The following DNER variants were observed in gnomAD, a reference collection of about 807,000 sequenced individuals.
The protein encoded by DNER is delta and Notch-like epidermal growth factor-related receptor.
In DNER, 33 loss-of-function variants were observed where a neutral mutation model predicts 78.2. That is an observed-to-expected ratio of 0.42 (90% CI 0.32 to 0.56). The LOEUF (loss-of-function observed/expected upper bound fraction) is 0.56, where lower values mean the gene tolerates loss of function less well. Among genes scored for constraint, DNER ranks in the 20% least tolerant of loss-of-function variants. The pLI is 0.11. For missense variants in DNER, 918 were observed against 975.3 expected, an observed-to-expected ratio of 0.94 and a Z score of 0.78; for synonymous variants, 417 against 384.8, an observed-to-expected ratio of 1.08 and a Z score of -0.98.
intron 1 of DNER, among the ~76,000 whole-genome samples, chr2:229,707,509 C>T (rs1359497434): frequency 6.6e-6 from 1 of 152,226 alleles, no homozygotes; most frequent in African/African-American, 2.4e-5. Flanking sequence ...AATCCCTCCT[C>T]ATATGCCCTG....
At chr2:229,530,522 A>G (rs888020611) in intron 5 of DNER, among the ~76,000 whole-genome samples, 1 of 152,258 alleles carries the variant, frequency 6.6e-6, no homozygotes, top group African/African-American at 2.4e-5. Flanking sequence ...CAGAAATTGC[A>G]TGGAAACGAA....
At chr2:229,689,802 G>A (rs1459623954) in intron 1 of DNER, among the ~76,000 whole-genome samples, 2 of 152,202 alleles carry the variant, frequency 1.3e-5, no homozygotes, top group East Asian at 3.8e-4. Flanking sequence ...TCATAGAGCT[G>A]ACATAATTAA....
intron 1 of DNER, among the ~76,000 whole-genome samples, chr2:229,696,304 C>T (rs552458258): frequency 1.3e-5 from 2 of 152,180 alleles, no homozygotes; most frequent in African/African-American, 2.4e-5. Context: ...TTACAACCCA[C>T]GATGATTGAC....
intron 1 of DNER, among the ~76,000 whole-genome samples, chr2:229,623,987 C>T (rs1227871472): frequency 2.6e-5 from 4 of 152,220 alleles, no homozygotes; most frequent in Admixed American, 1.3e-4. Context: ...TGGGGCTTCA[C>T]GGAATCACAG....
At chr2:229,366,381 C>A (rs1388182401) in intron 12 of DNER, among the ~76,000 whole-genome samples, 2 of 152,156 alleles carry the variant, frequency 1.3e-5, no homozygotes, top group African/African-American at 4.8e-5. Flanking sequence ...TTCTATGACA[C>A]CACACTAACT....
chr2:229,359,865 T>C (rs1036096081), intron 12 of DNER, among the ~76,000 whole-genome samples: 3 of 152,260 alleles, frequency 2.0e-5, no homozygotes, highest in African/African-American at 7.2e-5. Context: ...CAAAGGCATA[T>C]GCTATGCCAG....
chr2:229,645,261 C>G (rs1173034297), intron 1 of DNER, among the ~76,000 whole-genome samples: 1 of 152,206 alleles, frequency 6.6e-6, no homozygotes, highest in African/African-American at 2.4e-5. Context: ...CCTGCTTCAG[C>G]CTTCCAAAGT....
chr2:229,597,995 G>A (rs1697753734), intron 1 of DNER, among the ~76,000 whole-genome samples: 1 of 152,130 alleles, frequency 6.6e-6, no homozygotes, highest in Non-Finnish European at 1.5e-5. Flanking sequence ...TTTAGCCATG[G>A]CCTGTTTTTC....
intron 7 of DNER, among the ~76,000 whole-genome samples, chr2:229,476,162 C>G (rs1038929779): frequency 4.6e-5 from 7 of 152,202 alleles, no homozygotes; most frequent in Non-Finnish European, 1.0e-4. Flanking sequence ...CTCCGGCCCC[C>G]ACCCTGGCCC....
rs973128647 is a variant in DNER, at chr2:229,388,155, AGTGACTCG to A, written c.1855+102_1855+109del. ...TCTGGGACTCACTGCCTCATCTGCC[AGTGACTCG>A]GGGGCTTTCTGGTCACAGTCGGCAT... On this transcript the variant is annotated intron_variant, in intron 11 of 12. Transcript: ENST00000341772. The A allele has an allele frequency of 3.5e-6, 5 of 1,446,822 alleles. No homozygotes were observed. The African/African-American group carries it at 5.8e-5, about 17-fold the overall frequency. 89.6% of individuals were successfully genotyped at this position (1,446,822 alleles called of 1,614,324 possible).
At chr2:229,475,681 C>T (rs192253579) in intron 7 of DNER, among the ~76,000 whole-genome samples, 6 of 152,122 alleles carry the variant, frequency 3.9e-5, no homozygotes, top group African/African-American at 7.2e-5. Context: ...GTTTTTAGTT[C>T]GAGGGCCATT....
chr2:229,616,623 G>A (rs1698168319), intron 1 of DNER, among the ~76,000 whole-genome samples: 1 of 152,240 alleles, frequency 6.6e-6, no homozygotes, highest in Non-Finnish European at 1.5e-5. Flanking sequence ...GAGAACAATG[G>A]CACTCTCTAT....
At chr2:229,660,576 G>C (rs1454986942) in intron 1 of DNER, among the ~76,000 whole-genome samples, 3 of 152,112 alleles carry the variant, frequency 2.0e-5, no homozygotes, top group Admixed American at 6.5e-5. Flanking sequence ...TCCCCAGCCT[G>C]GTGGAGAAAT....
intron 1 of DNER, among the ~76,000 whole-genome samples, chr2:229,598,214 C>A (rs1177261981): frequency 6.6e-6 from 1 of 152,244 alleles, no homozygotes; most frequent in African/African-American, 2.4e-5. Context: ...TGGGGAGACA[C>A]AGAGGTGACT....
At chr2:229,563,913 C>A (rs139350236) in intron 4 of DNER, among the ~76,000 whole-genome samples, 2,884 of 131,032 alleles carry the variant, frequency 0.022, 63 homozygotes, top group Middle Eastern at 0.037. Context: ...CATCATCATC[C>A]TCCTTACCCC....
chr2:229,653,278 A>G (rs1194816865), intron 1 of DNER, among the ~76,000 whole-genome samples: 1 of 152,176 alleles, frequency 6.6e-6, no homozygotes, highest in African/African-American at 2.4e-5. Flanking sequence ...CTGGAGATGG[A>G]GAGTCGAGGC....
chr2:229,682,449 C>G (rs888261768), intron 1 of DNER, among the ~76,000 whole-genome samples: 1 of 152,130 alleles, frequency 6.6e-6, no homozygotes, highest in Non-Finnish European at 1.5e-5. Context: ...CACAAAGAGC[C>G]CACTGATCCT....
At chr2:229,366,830 C>A in intron 12 of DNER, 43 bp downstream of exon 12, 1 of 1,610,444 alleles carries the variant, frequency 6.2e-7, no homozygotes, top group Non-Finnish European at 8.5e-7. Context: ...CCCAAGAATG[C>A]ACATGTGAAG....
chr2:229,521,549 C>T (rs1696098693), intron 5 of DNER, among the ~76,000 whole-genome samples: 1 of 152,148 alleles, frequency 6.6e-6, no homozygotes, highest in African/African-American at 2.4e-5. Context: ...ACCATTGACA[C>T]ATTTTGATTT....
Sources: allele counts gnomAD v4.1 joint callset (sites outside exome capture counted in the v4.1 genomes callset), GRCh38; gene constraint gnomAD v4.1.1; transcripts MANE v1.5; gene names NCBI Gene and HGNC (gene_info 2026-07-23, HGNC 2026-07-21).